Variants in SLC71A2 observed in about 807,000 individuals in gnomAD.
The protein encoded by SLC71A2 is hippocampus abundant transcript-like 1.
the SLC71A2 span, among the ~76,000 whole-genome samples, chr9:94,423,084 G>A: frequency 3.3e-5 from 5 of 150,136 alleles, no homozygotes; most frequent in South Asian, 2.1e-4. Context: ...ATACAGGCGC[G>A]TGCCACCAAG....
the SLC71A2 span, among the ~76,000 whole-genome samples, chr9:94,390,228 G>A: frequency 6.6e-6 from 1 of 150,914 alleles, no homozygotes; most frequent in African/African-American, 2.4e-5. Context: ...AAAAATAAAG[G>A]TTCTCGTTTG....
chr9:94,447,692 TTTACA>T, the SLC71A2 span, among the ~76,000 whole-genome samples: 1 of 152,250 alleles, frequency 6.6e-6, no homozygotes, highest in South Asian at 2.1e-4. Flanking sequence ...AAGTCCACAG[TTTACA>T]TTAGGGTTCA....
At chr9:94,380,290 C>T in the SLC71A2 span, among the ~76,000 whole-genome samples, 6 of 151,260 alleles carry the variant, frequency 4.0e-5, no homozygotes, top group Non-Finnish European at 5.9e-5. Context: ...AAAGAAATTT[C>T]TCAGTTTCTT....
the SLC71A2 span, chr9:94,438,522 G>C: frequency 6.2e-7 from 1 of 1,605,718 alleles, no homozygotes; most frequent in Non-Finnish European, 8.5e-7. Context: ...ATGAGGATCA[G>C]CCCATGGTGA....
chr9:94,414,334 GATAA>G, the SLC71A2 span, among the ~76,000 whole-genome samples: 3 of 152,170 alleles, frequency 2.0e-5, no homozygotes, highest in African/African-American at 7.2e-5. Context: ...TGGGAGAGAT[GATAA>G]ATAAGAGGGT....
chr9:94,443,871 T>G, the SLC71A2 span, among the ~76,000 whole-genome samples: 5 of 152,196 alleles, frequency 3.3e-5, no homozygotes, highest in African/African-American at 4.8e-5. Flanking sequence ...GAGCTTTGTC[T>G]TCTTCATCTG....
chr9:94,395,578 T>G, the SLC71A2 span, among the ~76,000 whole-genome samples: 12 of 152,312 alleles, frequency 7.9e-5, no homozygotes, highest in Non-Finnish European at 1.6e-4. Flanking sequence ...CCTTGTGGTC[T>G]CAAGATGACT....
At chr9:94,413,415 A>G in the SLC71A2 span, among the ~76,000 whole-genome samples, 2 of 152,316 alleles carry the variant, frequency 1.3e-5, no homozygotes, top group East Asian at 3.9e-4. Flanking sequence ...TGTAGGTTTA[A>G]TATTATTCCA....
At chr9:94,447,027 G>GA in the SLC71A2 span, 5 of 684,552 alleles carry the variant, frequency 7.3e-6, no homozygotes, top group South Asian at 1.8e-5. Flanking sequence ...CACTGCAGAG[G>GA]AAAAAACATG....
chr9:94,452,553 C>T, the SLC71A2 span, among the ~76,000 whole-genome samples: 3 of 151,116 alleles, frequency 2.0e-5, no homozygotes, highest in African/African-American at 4.9e-5. Flanking sequence ...GCCGAGATTG[C>T]GCCACTGCAC....
the SLC71A2 span, among the ~76,000 whole-genome samples, chr9:94,396,611 C>G: frequency 6.6e-6 from 1 of 151,842 alleles, no homozygotes; most frequent in Admixed American, 6.6e-5. Flanking sequence ...GTTTTTTTGG[C>G]CATATGTTAC....
the SLC71A2 span, among the ~76,000 whole-genome samples, chr9:94,378,281 A>G: frequency 1.3e-5 from 2 of 151,922 alleles, no homozygotes; most frequent in Non-Finnish European, 2.9e-5. Context: ...GGCCTCAGAA[A>G]GCTTGCAATC....
chr9:94,431,762 A>G, the SLC71A2 span, among the ~76,000 whole-genome samples: 1 of 151,878 alleles, frequency 6.6e-6, no homozygotes, highest in Non-Finnish European at 1.5e-5. Context: ...ACCCCCACCA[A>G]CTGAGCCGAC....
At chr9:94,413,013 T>A in the SLC71A2 span, among the ~76,000 whole-genome samples, 3,261 of 151,880 alleles carry the variant, frequency 0.021, 101 homozygotes, top group East Asian at 0.1. Context: ...TTTTAAAAAA[T>A]AAAATGTATA....
At chr9:94,454,181 G>A in the SLC71A2 span, 9 of 712,622 alleles carry the variant, frequency 1.3e-5, no homozygotes, top group South Asian at 6.4e-5. Context: ...CTGGTTTGGT[G>A]TATTCAACAT....
the SLC71A2 span, chr9:94,415,105 T>A: frequency 1.3e-5 from 17 of 1,329,090 alleles, no homozygotes; most frequent in African/African-American, 2.9e-5. Flanking sequence ...CATTTTAAGA[T>A]AATAGATTTC....
the SLC71A2 span, chr9:94,454,030 A>G: frequency 6.2e-7 from 1 of 1,614,100 alleles, no homozygotes; most frequent in Non-Finnish European, 8.5e-7. Context: ...GGGCTTCCAG[A>G]TGCTCCAGTT....
the SLC71A2 span, among the ~76,000 whole-genome samples, chr9:94,437,148 T>G: frequency 4.9e-5 from 7 of 142,990 alleles, no homozygotes; most frequent in East Asian, 1.4e-3. Flanking sequence ...TCCAGAAAAC[T>G]GGAAGTATCG....
At chr9:94,408,201 T>C in the SLC71A2 span, among the ~76,000 whole-genome samples, 4 of 152,226 alleles carry the variant, frequency 2.6e-5, no homozygotes, top group East Asian at 3.8e-4. Context: ...CCTCTACTTA[T>C]GGTTGGGTTG....
Sources: gnomAD v4.1 joint callset for allele counts (sites outside exome capture counted in the v4.1 genomes callset) on GRCh38, gnomAD v4.1.1 for gene constraint, MANE v1.5 for transcripts, NCBI Gene and HGNC (gene_info 2026-07-23, HGNC 2026-07-21) for gene names.